Variants in GABRR2 observed in about 807,000 individuals in gnomAD.
The protein encoded by GABRR2 is gamma-aminobutyric acid type A receptor subunit rho2.
Under a neutral mutation model 47.0 loss-of-function variants are expected in GABRR2, and 36 were observed. That is an observed-to-expected ratio of 0.77 (90% confidence interval 0.59 to 1.01). The LOEUF (loss-of-function observed/expected upper bound fraction) is 1.01, where lower values mean the gene tolerates loss of function less well. Among genes scored for constraint, GABRR2 ranks in the 50% least tolerant of loss-of-function variants. GABRR2 has a pLI of 0.00. For synonymous variants in GABRR2, 204 were observed against 227.5 expected, an observed-to-expected ratio of 0.90 and a Z score of 0.93; for missense variants, 587 against 594.6, an observed-to-expected ratio of 0.99 and a Z score of 0.13.
chr6:89,282,257 A>T (rs1375474158), intron 2 of GABRR2, among the ~76,000 whole-genome samples: 1 of 152,176 alleles, frequency 6.6e-6, no homozygotes, highest in African/African-American at 2.4e-5. Context: ...TCCAGAAGGA[A>T]GCAAGGACAC....
chr6:89,265,814 G>A lies in GABRR2; in HGVS notation c.737-49C>T, dbSNP rs970744050. 1.9e-6 allele frequency: 3 copies of A among 1,585,906 alleles called. No homozygotes were observed. In the African/African-American group the frequency reaches 4.0e-5, roughly 21 times the overall value. ...ATGAGGTTCCATCTGAGAGGTGAAA[G>A]CAAACTGTGTCCCTGGGAACCCGTC... On this transcript the variant is annotated intron_variant, in intron 6 of 8. Coordinates refer to ENST00000402938, the MANE Select transcript of GABRR2 (RefSeq NM_002043.5).
At chr6:89,273,742 CA>C (rs1774105181) in intron 2 of GABRR2, among the ~76,000 whole-genome samples, 1 of 152,232 alleles carries the variant, frequency 6.6e-6, no homozygotes, top group Non-Finnish European at 1.5e-5. Context: ...AGGCTCCCAA[CA>C]CCATTCATTC....
intron 1 of GABRR2, chr6:89,302,374 T>C (rs1767463491): frequency 3.5e-6 from 2 of 567,492 alleles, no homozygotes; most frequent in Non-Finnish European, 7.1e-6. Context: ...TGAGACCTAC[T>C]GCATCAACAA....
intron 2 of GABRR2, among the ~76,000 whole-genome samples, chr6:89,275,811 A>C (rs1480021200): frequency 6.6e-6 from 1 of 152,160 alleles, no homozygotes; most frequent in Non-Finnish European, 1.5e-5. Flanking sequence ...TATATTGTAC[A>C]TCCCAAAGAC....
At chr6:89,285,472 T>A (rs999353278) in intron 2 of GABRR2, among the ~76,000 whole-genome samples, 4 of 152,286 alleles carry the variant, frequency 2.6e-5, no homozygotes, top group Non-Finnish European at 4.4e-5. Context: ...CGTGTGAGCA[T>A]GCGATTGCGG....
At chr6:89,280,753 G>C (rs1774245221) in intron 2 of GABRR2, among the ~76,000 whole-genome samples, 2 of 152,232 alleles carry the variant, frequency 1.3e-5, no homozygotes, top group South Asian at 4.1e-4. Context: ...TTGAAGAAAA[G>C]TTGGTCATTG....
At chr6:89,308,271 A>T (rs1440746076) in intron 1 of GABRR2, among the ~76,000 whole-genome samples, 1 of 152,160 alleles carries the variant, frequency 6.6e-6, no homozygotes, top group Non-Finnish European at 1.5e-5. Flanking sequence ...GCATAATTCA[A>T]TGGGAGGCCT....
intron 2 of GABRR2, among the ~76,000 whole-genome samples, chr6:89,292,812 C>T (rs1318578313): frequency 2.7e-4 from 3 of 10,986 alleles, no homozygotes; most frequent in East Asian, 0.05. Context: ...ATCGTATATA[C>T]GATATATCGT....
Position 89,308,042 on chromosome 6 carries a change from T to C in GABRR2, c.113+7011A>G, listed in dbSNP as rs146325343. Among the ~76,000 whole-genome samples, 1,307 of 152,288 alleles carry C rather than the reference T, an allele frequency of 8.6e-3. 13 individuals carry two copies. The highest frequency in any genetic ancestry group is 0.024 in the African/African-American group (1,009 of 41,562). Reference sequence around the variant, plus strand: ...GTTGGTCAGGCTGGTCTCGAACTCCTGCCCTCAGGTGATCTACCTGCCTTG... The same window carrying C: ...GTTGGTCAGGCTGGTCTCGAACTCCCGCCCTCAGGTGATCTACCTGCCTTG... On this transcript the variant is annotated intron_variant, in intron 1 of 8. Coordinates refer to ENST00000402938, the MANE Select transcript of GABRR2 (RefSeq NM_002043.5).
At chr6:89,296,971 G>A (rs1203417745) in intron 2 of GABRR2, among the ~76,000 whole-genome samples, 1 of 152,208 alleles carries the variant, frequency 6.6e-6, no homozygotes, top group Non-Finnish European at 1.5e-5. Flanking sequence ...CATACTGAAG[G>A]TACTGACCAG....
At chr6:89,312,827 T>C (rs1767702230) in intron 1 of GABRR2, among the ~76,000 whole-genome samples, 1 of 152,228 alleles carries the variant, frequency 6.6e-6, no homozygotes. Flanking sequence ...ATAAATATTT[T>C]ACTTCCTTGA....
chr6:89,279,151 A>C (rs1774216487), intron 2 of GABRR2, among the ~76,000 whole-genome samples: 1 of 152,182 alleles, frequency 6.6e-6, no homozygotes, highest in Admixed American at 6.5e-5. Context: ...TCTGTCCCTC[A>C]GATCCCCGGC....
At chr6:89,286,949 C>T (rs1774343300) in intron 2 of GABRR2, among the ~76,000 whole-genome samples, 1 of 152,152 alleles carries the variant, frequency 6.6e-6, no homozygotes, top group Non-Finnish European at 1.5e-5. Context: ...AGCTCCTGTA[C>T]CCCATCCCAT....
rs748734364 is a variant in GABRR2, at chr6:89,267,776, C to G, written c.639G>C (p.Gly213=). ...TCTCATCTGTTTTTAGGGATTCATC[C>G]CCATTCTTCCAGTACAGCATTAGAT... ...DEDLMLYWKN[G]DESLKTDEKI... The change falls in exon 6 of 9, where the codon GGG becomes GGC. Residue 213 remains glycine, a synonymous_variant. Transcript: ENST00000402938. The G allele has an allele frequency of 6.2e-7, 1 of 1,613,772 alleles. No homozygotes were observed. The highest frequency in any genetic ancestry group is 8.5e-7 in the Non-Finnish European group (1 of 1,179,802).
At chr6:89,274,540 C>A (rs1341712085) in intron 2 of GABRR2, among the ~76,000 whole-genome samples, 2 of 152,072 alleles carry the variant, frequency 1.3e-5, no homozygotes, top group Non-Finnish European at 2.9e-5. Flanking sequence ...TGAGGCTTGG[C>A]CCCTTAACAC....
At chr6:89,310,403 A>T (rs904194859) in intron 1 of GABRR2, among the ~76,000 whole-genome samples, 1 of 151,162 alleles carries the variant, frequency 6.6e-6, no homozygotes, top group Non-Finnish European at 1.5e-5. Context: ...TTTTCCTCCT[A>T]CCTCTCTGAC....
intron 1 of GABRR2, among the ~76,000 whole-genome samples, chr6:89,301,560 C>T (rs891842267): frequency 6.6e-6 from 1 of 151,972 alleles, no homozygotes; most frequent in Non-Finnish European, 1.5e-5. Context: ...AAATCACTGG[C>T]ATTCCTATAT....
intron 2 of GABRR2, among the ~76,000 whole-genome samples, chr6:89,284,282 C>T (rs1774298344): frequency 6.6e-6 from 1 of 152,108 alleles, no homozygotes; most frequent in Admixed American, 6.5e-5. Flanking sequence ...AAAATTCAAG[C>T]TATACACTTA....
At position 89,290,142 on chromosome 6, in the gene GABRR2, T is replaced by C. The variant is rs149981021; in HGVS notation, c.220+9617A>G. 1.5e-4 allele frequency among the ~76,000 whole-genome samples: 23 copies of C among 152,274 alleles called. No homozygotes were observed. The East Asian group carries it at 4.4e-3, about 29-fold the overall frequency. ...AAAACAAACTGTAAAATGATATATA[T>C]CCCTATCCTGCTGTTTTGACAAATA... On this transcript the variant is annotated intron_variant, in intron 2 of 8. Transcript: ENST00000402938.
Sources: allele counts gnomAD v4.1 joint callset (sites outside exome capture counted in the v4.1 genomes callset), GRCh38; gene constraint gnomAD v4.1.1; transcripts MANE v1.5; gene names NCBI Gene and HGNC (gene_info 2026-07-23, HGNC 2026-07-21).